The following DMD variants were observed in gnomAD, a reference collection of about 807,000 sequenced individuals.
DMD encodes dystrophin, also known as mutant dystrophin.
A neutral mutation model predicts 330.1 loss-of-function variants in DMD; 63 were observed. The ratio of observed to expected loss-of-function variants is 0.19; its 90% CI spans 0.16 to 0.24. The LOEUF (loss-of-function observed/expected upper bound fraction) is 0.24. Among genes scored for constraint, DMD ranks in the 10% least tolerant of loss-of-function variants. DMD has a pLI of 1.00. For synonymous variants in DMD, 1,223 were observed against 959.8 expected, an observed-to-expected ratio of 1.27 and a Z score of -5.07; for missense variants, 3,344 against 2,684.1, an observed-to-expected ratio of 1.25 and a Z score of -5.43.
Position 31,683,909 on chromosome X carries a change from T to C in DMD, c.7661-4323A>G, listed in dbSNP as rs2082528200. Among the ~76,000 whole-genome samples, 5 of 112,524 alleles carry C rather than the reference T, an allele frequency of 4.4e-5. No individual in the cohort carries two copies. The Admixed American group carries it at 4.7e-4, about 11-fold the overall frequency. ...TTTCCTTGCATTAATCACTTAATCA[T>C]CATACAATCCTATAAGTATAATTGT... On this transcript the variant is annotated intron_variant, in intron 52 of 78. Coordinates refer to ENST00000357033, the MANE Select transcript of DMD (RefSeq NM_004006.3).
chrX:31,923,812 G>T (rs770984186), intron 47 of DMD, among the ~76,000 whole-genome samples: 23 of 111,211 alleles, frequency 2.1e-4, no homozygotes, highest in Non-Finnish European at 4.1e-4. Context: ...TGGCTGGGAT[G>T]GTCTCGATCT....
intron 52 of DMD, among the ~76,000 whole-genome samples, chrX:31,716,801 A>G (rs1299150605): frequency 9.4e-6 from 1 of 106,585 alleles, no homozygotes; most frequent in African/African-American, 3.4e-5. Flanking sequence ...CTTTATAACT[A>G]TCTACATGCA....
rs189110883 is a variant in DMD, at chrX:32,621,223, G to C, written c.1332-6770C>G. On this transcript the variant is annotated intron_variant, in intron 11 of 78. Transcript: ENST00000357033. ...AAGAAGGTATAAACTCTTTCTAGAC[G>C]GAAAGAAAGACCTGTGAAAGGCCCT... 4.2e-3 allele frequency among the ~76,000 whole-genome samples: 465 copies of C among 111,361 alleles called. 1 individual carries two copies. The highest frequency in any genetic ancestry group is 0.025 in the South Asian group (65 of 2,624).
At position 32,697,924 on chromosome X, in the gene DMD, T is replaced by C; in HGVS notation, c.906A>G (p.Thr302=). 8.3e-7 allele frequency: 1 copy of C among 1,208,596 alleles called. No individual in the cohort carries two copies. The highest frequency in any genetic ancestry group is 1.1e-6 in the Non-Finnish European group (1 of 894,151). ...CAGAGGTGGTGACATAAGCAGCCTG[T>C]GTGTAGGCATAGCTCTTGAATCGAG... ...PKPRFKSYAY[T]QAAYVTTSDP... Residue 302 remains threonine, a synonymous_variant, in exon 9 of 79, where the codon ACA becomes ACG. Transcript: ENST00000357033.
At chrX:31,273,932 G>A (rs758428987) in intron 62 of DMD, among the ~76,000 whole-genome samples, 22 of 112,155 alleles carry the variant, frequency 2.0e-4, no homozygotes, top group African/African-American at 5.8e-4. Flanking sequence ...ATGACACAAC[G>A]GCTCTGACAG....
chrX:33,214,305 T>G (rs1241821831), upstream of DMD, among the ~76,000 whole-genome samples: 1 of 111,422 alleles, frequency 9.0e-6, no homozygotes, highest in Non-Finnish European at 1.9e-5. Flanking sequence ...CATATAAATT[T>G]TAGAATAAGT....
chrX:32,866,764 C>CA (rs1212312007), intron 2 of DMD, among the ~76,000 whole-genome samples: 1 of 98,177 alleles, frequency 1.0e-5, no homozygotes, highest in African/African-American at 3.8e-5. Context: ...GACAGAGTTT[C>CA]ACTCTTTCGC....
chrX:31,203,764 T>C (rs907149831), intron 67 of DMD, among the ~76,000 whole-genome samples, 197 bp downstream of exon 67: 13 of 111,817 alleles, frequency 1.2e-4, no homozygotes, highest in African/African-American at 3.3e-4. Context: ...AGATTTCTTT[T>C]CCTTCCTCAG....
At chrX:33,172,442 A>G (rs755159165) in intron 1 of DMD, among the ~76,000 whole-genome samples, 1 of 111,772 alleles carries the variant, frequency 8.9e-6, no homozygotes, top group East Asian at 2.8e-4. Context: ...GTTGGAATGA[A>G]GTTAAGTGAC....
At chrX:32,747,748 G>T (rs2070242729) in intron 7 of DMD, among the ~76,000 whole-genome samples, 1 of 110,477 alleles carries the variant, frequency 9.1e-6, no homozygotes, top group Non-Finnish European at 1.9e-5. Flanking sequence ...CAAAGTGCTG[G>T]GACTACAGGT....
chrX:32,346,677 AAT>A (rs1281060669), intron 38 of DMD, among the ~76,000 whole-genome samples: 1 of 111,828 alleles, frequency 8.9e-6, no homozygotes, highest in Non-Finnish European at 1.9e-5. Flanking sequence ...TAATTTCTAA[AAT>A]ATGTCATATA....
At chrX:31,137,606 A>ACC (rs1289978696) in intron 76 of DMD, among the ~76,000 whole-genome samples, 3 of 110,103 alleles carry the variant, frequency 2.7e-5, no homozygotes, top group Non-Finnish European at 5.7e-5. Context: ...GCACTGTTCA[A>ACC]ATGGTTGAAC....
At chrX:32,056,094 AT>A (rs1184690246) in intron 44 of DMD, among the ~76,000 whole-genome samples, 2 of 110,974 alleles carry the variant, frequency 1.8e-5, no homozygotes, top group Non-Finnish European at 3.8e-5. Flanking sequence ...ATAAACTTTC[AT>A]TTGCTTTGAA....
intron 49 of DMD, among the ~76,000 whole-genome samples, chrX:31,831,845 G>T (rs186417822): frequency 3.6e-5 from 4 of 112,142 alleles, no homozygotes; most frequent in African/African-American, 6.5e-5. Context: ...TTTGTGATCC[G>T]CCCACCTTGG....
chrX:31,633,845 C>A (rs1171980064), intron 54 of DMD, among the ~76,000 whole-genome samples: 1 of 112,103 alleles, frequency 8.9e-6, no homozygotes, highest in Non-Finnish European at 1.9e-5. Context: ...TTGCTGGTTT[C>A]ATTTTAGGGC....
At chrX:31,264,297 T>C (rs2050817480) in intron 62 of DMD, among the ~76,000 whole-genome samples, 1 of 111,855 alleles carries the variant, frequency 8.9e-6, no homozygotes, top group South Asian at 3.8e-4. Context: ...GGCACTGTTT[T>C]GGTAATTGTC....
chrX:31,242,222 C>A (rs1239237949), intron 63 of DMD, among the ~76,000 whole-genome samples: 1 of 98,418 alleles, frequency 1.0e-5, no homozygotes, highest in East Asian at 3.1e-4. Flanking sequence ...CACCACTGCA[C>A]CCCAGCCTGG....
intron 59 of DMD, among the ~76,000 whole-genome samples, chrX:31,455,791 A>T (rs1320478377): frequency 8.9e-6 from 1 of 112,227 alleles, no homozygotes; most frequent in Non-Finnish European, 1.9e-5. Flanking sequence ...AGGAAAATAT[A>T]TTCTGCTTGG....
intron 7 of DMD, among the ~76,000 whole-genome samples, chrX:32,712,700 C>G (rs928003751): frequency 1.1e-4 from 12 of 111,195 alleles, no homozygotes; most frequent in Admixed American, 6.7e-4. Flanking sequence ...TGTTATCATA[C>G]TGAGGTTATT....
Sources: gnomAD v4.1 joint callset for allele counts (sites outside exome capture counted in the v4.1 genomes callset) on GRCh38, gnomAD v4.1.1 for gene constraint, MANE v1.5 for transcripts, NCBI Gene and HGNC (gene_info 2026-07-23, HGNC 2026-07-21) for gene names.